Variants in RIT1 observed in about 807,000 individuals in gnomAD.
RIT1 encodes Ras like without CAAX 1, also known as GTP-binding protein Rit1.
Under a neutral mutation model 25.6 loss-of-function variants are expected in RIT1, and 6 were observed. That is an observed-to-expected ratio of 0.23 (90% CI 0.13 to 0.46). RIT1 has a LOEUF of 0.46. RIT1 is among the 20% of genes least tolerant of loss of function. The pLI is 0.99. For missense variants in RIT1, 219 were observed against 284.4 expected (o/e 0.77, Z 1.65); for synonymous variants, 81 against 94.1 (o/e 0.86, Z 0.80).
rs1673219663 is a variant in RIT1 at position 155,897,940 on chromosome 1, A to G, written c.*2448T>C. Reference sequence around the variant, plus strand: ...TGCTAATATATGACAAAGTTAAAACATATGTCCCCTCTGAATTCTAAACAG... The same window carrying G: ...TGCTAATATATGACAAAGTTAAAACGTATGTCCCCTCTGAATTCTAAACAG... On this transcript the variant is annotated 3_prime_UTR_variant, in exon 6 of 6. Transcript: ENST00000368323. 2 of 152,260 alleles carry G rather than the reference A, an allele frequency of 1.3e-5. No individual in the cohort carries two copies. The highest frequency in any genetic ancestry group is 2.9e-5 in the Non-Finnish European group (2 of 68,026). The allele number at this position is 152,260 out of a possible 1,614,324, so 9.4% of individuals were successfully genotyped here.
At chr1:155,904,530 T>C (rs1276210143) in intron 4 of RIT1, 28 bp from the exon 5 acceptor site, 1 of 1,590,542 alleles carries the variant, frequency 6.3e-7, no homozygotes, top group African/African-American at 1.3e-5. Context: ...TCATTATGTA[T>C]TGACGCAATC....
At chr1:155,911,021 T>G in intron 1 of RIT1, 1 of 1,049,078 alleles carries the variant, frequency 9.5e-7, no homozygotes, top group Non-Finnish European at 1.4e-6. Flanking sequence ...ATCACAGGTT[T>G]TACTTTTTCC....
rs371562683 is a variant in RIT1 at position 155,910,963 on chromosome 1, A to C, written c.-43-159T>G. 2.3e-3 allele frequency: 3,282 copies of C among 1,431,176 alleles called. 8 individuals carry two copies. The highest frequency in any genetic ancestry group is 2.7e-3 in the Non-Finnish European group (2,920 of 1,072,508). 88.7% of individuals were successfully genotyped at this position (1,431,176 alleles called of 1,614,324 possible). A position where few individuals can be genotyped will look rare whatever the true frequency, so the allele number is the denominator to read the frequency against. The stretch of plus-strand genomic sequence containing the variant: ...GCACCCTTTCGGGTGGCCCTAAGAA[A>C]CCCCCCCATCTTCACCCTCCCTCCT... On this transcript the variant is annotated intron_variant, in intron 1 of 5. Coordinates refer to ENST00000368323, the MANE Select transcript of RIT1 (RefSeq NM_006912.6).
At chr1:155,911,143 C>G in intron 1 of RIT1, 100 bp downstream of exon 1, 1 of 557,432 alleles carries the variant, frequency 1.8e-6, no homozygotes, top group Non-Finnish European at 3.2e-6. Context: ...GGTTCTCTCA[C>G]GTCTGCGGTA....
chr1:155,903,490 G>A (rs1210451785), intron 5 of RIT1, among the ~76,000 whole-genome samples: 1 of 150,126 alleles, frequency 6.7e-6, no homozygotes, highest in South Asian at 2.1e-4. Context: ...AAACACAAAG[G>A]GAGGGAAAGA....
At chr1:155,910,204 A>T in intron 3 of RIT1, 1 of 497,186 alleles carries the variant, frequency 2.0e-6, no homozygotes, top group Non-Finnish European at 3.6e-6. Context: ...ACCATAAAAA[A>T]ATACAACAAA....
chr1:155,907,278 C>T (rs954764991), intron 3 of RIT1, among the ~76,000 whole-genome samples: 6 of 147,048 alleles, frequency 4.1e-5, no homozygotes, highest in Non-Finnish European at 8.9e-5. Context: ...CTCACTCTGT[C>T]GCTCAGGGCG....
rs1296063192 is a variant in RIT1 at position 155,900,313 on chromosome 1, T to C, written c.*75A>G. 2 of 1,010,202 alleles carry C rather than the reference T, an allele frequency of 2.0e-6. No homozygotes were observed. The highest frequency in any genetic ancestry group is 2.4e-5 in the East Asian group (1 of 42,084). 62.6% of individuals were successfully genotyped at this position (1,010,202 alleles called of 1,614,324 possible). On this transcript the variant is annotated 3_prime_UTR_variant, in exon 6 of 6. Transcript: ENST00000368323. ...CAGTTAAGTGAAAGAGCAAGCACCA[T>C]ACTCAGTACTGCAGGTTACTGGACT...
intron 5 of RIT1, among the ~76,000 whole-genome samples, chr1:155,901,609 G>C (rs1438895825): frequency 6.6e-6 from 1 of 152,000 alleles, no homozygotes; most frequent in East Asian, 1.9e-4. Flanking sequence ...CTGCACTCCA[G>C]GTGTCACACT....
At chr1:155,909,271 G>A (rs899671203) in intron 3 of RIT1, among the ~76,000 whole-genome samples, 13 of 151,614 alleles carry the variant, frequency 8.6e-5, no homozygotes, top group African/African-American at 3.2e-4. Context: ...CCAGATACTC[G>A]GGAGGCTGAG....
In RIT1 at chr1:155,898,226, T is replaced by C. The variant is rs909356518; in HGVS notation, c.*2162A>G. On this transcript the variant is annotated 3_prime_UTR_variant, in exon 6 of 6. Coordinates refer to ENST00000368323, the MANE Select transcript of RIT1 (RefSeq NM_006912.6). ...GCACCACGAATAGAACTAATATTAA[T>C]GGATGGACTAATACAAGGATCTAAT... 1 of 152,240 alleles carries C rather than the reference T, an allele frequency of 6.6e-6. No individual in the cohort carries two copies. Among genetic ancestry groups the C allele is most frequent in the East Asian group, 1.9e-4 (1 of 5,332 alleles). 9.4% of individuals were successfully genotyped at this position (152,240 alleles called of 1,614,324 possible). A position where few individuals can be genotyped will look rare whatever the true frequency, so the allele number is the denominator to read the frequency against.
chr1:155,903,035 T>A (rs1233210717), intron 5 of RIT1, among the ~76,000 whole-genome samples: 1 of 144,846 alleles, frequency 6.9e-6, no homozygotes, highest in East Asian at 2.1e-4. Context: ...CGGTGGCTCA[T>A]GCCTGTAATC....
At chr1:155,904,911 C>T (rs2102585359) in intron 3 of RIT1, 107 bp from the exon 4 acceptor site, 1 of 716,782 alleles carries the variant, frequency 1.4e-6, no homozygotes. Flanking sequence ...TCATTAAATG[C>T]CCACATTTTC....
chr1:155,909,250 C>T (rs1175867320), intron 3 of RIT1, among the ~76,000 whole-genome samples: 4 of 151,516 alleles, frequency 2.6e-5, no homozygotes, highest in African/African-American at 4.9e-5. Context: ...TGGTGGCGGG[C>T]GCCTGTAGTC....
intron 3 of RIT1, 52 bp from the exon 4 acceptor site, chr1:155,904,856 G>T: frequency 8.1e-7 from 1 of 1,241,330 alleles, no homozygotes. Flanking sequence ...CGGAAGAAAT[G>T]CCTATTTAAA....
intron 1 of RIT1, 129 bp downstream of exon 1, chr1:155,911,114 C>T (rs1673590355): frequency 3.3e-6 from 2 of 601,106 alleles, no homozygotes; most frequent in South Asian, 4.3e-5. Flanking sequence ...GAAAGGGATG[C>T]GGCCCCTTAG....
chr1:155,911,344 G>A lies in RIT1; in HGVS notation c.-145C>T. On this transcript the variant is annotated 5_prime_UTR_variant, in exon 1 of 6. Coordinates refer to ENST00000368323, the MANE Select transcript of RIT1 (RefSeq NM_006912.6). ...GTCTTCCTTCACTCGCGGAGGCTCC[G>A]GCACTGACCTGTGACCCCTCCCGCA... 5.7e-6 allele frequency: 1 copy of A among 176,654 alleles called. No individual in the cohort carries two copies. The highest frequency in any genetic ancestry group is 1.0e-4 in the South Asian group (1 of 9,800). 10.9% of individuals were successfully genotyped at this position (176,654 alleles called of 1,614,324 possible). A position where few individuals can be genotyped will look rare whatever the true frequency, so the allele number is the denominator to read the frequency against.
intron 1 of RIT1, 156 bp from the exon 2 acceptor site, chr1:155,910,960 GA>G: frequency 7.1e-7 from 1 of 1,411,174 alleles, no homozygotes; most frequent in Non-Finnish European, 9.3e-7. Flanking sequence ...GTGGCCCTAA[GA>G]AACCCCCCCA....
rs746377503 is a variant in RIT1, at chr1:155,900,355, G to A, written c.*33C>T. The stretch of plus-strand genomic sequence containing the variant: ...TACTGGACTGCTTTGATACAGCACT[G>A]CAGTTCACAGATAAACACTTCACAT... On this transcript the variant is annotated 3_prime_UTR_variant, in exon 6 of 6. Transcript: ENST00000368323. 2.0e-6 allele frequency: 3 copies of A among 1,505,344 alleles called. No homozygotes were observed. The highest frequency in any genetic ancestry group is 2.8e-6 in the Non-Finnish European group (3 of 1,082,752). 93.2% of individuals were successfully genotyped at this position (1,505,344 alleles called of 1,614,324 possible).
Sources: gnomAD v4.1 joint callset for allele counts (sites outside exome capture counted in the v4.1 genomes callset) on GRCh38, gnomAD v4.1.1 for gene constraint, MANE v1.5 for transcripts, NCBI Gene and HGNC (gene_info 2026-07-23, HGNC 2026-07-21) for gene names.